The following KANK1 variants were observed in gnomAD, a reference collection of about 807,000 sequenced individuals.
KANK1 encodes KN motif and ankyrin repeat domains 1.
Under a neutral mutation model 106.2 loss-of-function variants are expected in KANK1, and 109 were observed. The ratio of observed to expected loss-of-function variants is 1.03; its 90% CI spans 0.88 to 1.20. KANK1 has a LOEUF of 1.20. Ranked by LOEUF, KANK1 falls within the 50% of genes most tolerant of loss-of-function variation. The pLI is 0.00. For synonymous variants in KANK1, 873 were observed against 652.2 expected (o/e 1.34, Z -5.16); for missense variants, 2,399 against 1,710.7 (o/e 1.40, Z -7.10).
chr9:650,680 G>T (rs1427712555), intron 1 of KANK1, among the ~76,000 whole-genome samples: 1 of 152,086 alleles, frequency 6.6e-6, no homozygotes, highest in Non-Finnish European at 1.5e-5. Flanking sequence ...TTTAGCTAGA[G>T]GTTAGGGTGA....
chr9:595,434 A>C (rs542349779), intron 1 of KANK1, among the ~76,000 whole-genome samples: 7 of 152,054 alleles, frequency 4.6e-5, no homozygotes, highest in African/African-American at 1.7e-4. Context: ...CGTTGCAATC[A>C]GAACAAGAAC....
intron 1 of KANK1, among the ~76,000 whole-genome samples, chr9:625,595 AC>A (rs1364861146): frequency 6.6e-6 from 1 of 152,042 alleles, no homozygotes; most frequent in Non-Finnish European, 1.5e-5. Flanking sequence ...GAAAAAAAAA[AC>A]AACATTGAGA....
intron 1 of KANK1, among the ~76,000 whole-genome samples, chr9:563,337 G>C (rs1316471373): frequency 1.3e-5 from 2 of 152,078 alleles, no homozygotes; most frequent in African/African-American, 4.8e-5. Context: ...ATTGTGTTTG[G>C]TCTTAAACTG....
chr9:694,106 T>C (rs1328107609), intron 2 of KANK1, among the ~76,000 whole-genome samples: 1 of 152,226 alleles, frequency 6.6e-6, no homozygotes, highest in Non-Finnish European at 1.5e-5. Flanking sequence ...GTATTTGTTT[T>C]CAGCTCTGTT....
rs139689422 is a variant in KANK1, at chr9:711,848, C to A, written c.1082C>A (p.Thr361Lys). 4 of 1,614,068 alleles carry A rather than the reference C, an allele frequency of 2.5e-6. 1 individual carries two copies. The South Asian group carries it at 4.4e-5, about 18-fold the overall frequency. The change falls in exon 3 of 12, where the codon ACG becomes AAG. Residue 361 changes from threonine to lysine, a missense_variant. Thr to Lys is a moderately conservative substitution (Grantham distance 78). Coordinates refer to ENST00000382297, the MANE Select transcript of KANK1 (RefSeq NM_015158.5). ...GAAATGGAGACCGTAGAACAGAGCACGCAGAGGATAAAGGAGTTCCGGCAA... is the reference window on the plus strand; with the variant it reads ...GAAATGGAGACCGTAGAACAGAGCAAGCAGAGGATAAAGGAGTTCCGGCAA... ...EEEMETVEQS[T>K]QRIKEFRQLT...
chr9:664,641 G>C (rs929862319), intron 1 of KANK1, among the ~76,000 whole-genome samples: 9 of 152,144 alleles, frequency 5.9e-5, no homozygotes, highest in African/African-American at 2.2e-4. Flanking sequence ...AAACATGCAA[G>C]TACAGATCTC....
chr9:555,508 T>G (rs2061528934), intron 1 of KANK1, among the ~76,000 whole-genome samples: 1 of 152,202 alleles, frequency 6.6e-6, no homozygotes, highest in Non-Finnish European at 1.5e-5. Context: ...ACCAATTAGG[T>G]AAAATACTAT....
chr9:677,028 G>A lies in KANK1; in HGVS notation c.37+19G>A, dbSNP rs748949469. ...GCCTCAGGTAACCCTGTGCTCTGGA[G>A]TTTGTGTGTTAAATGTATGTCTTTT... is the stretch of plus-strand genomic sequence containing the variant. On this transcript the variant is annotated intron_variant, in intron 2 of 11. Coordinates refer to ENST00000382297, the MANE Select transcript of KANK1 (RefSeq NM_015158.5). 6.2e-7 allele frequency: 1 copy of A among 1,610,492 alleles called. No homozygotes were observed. The highest frequency in any genetic ancestry group is 1.1e-5 in the South Asian group (1 of 90,778).
At chr9:744,347 C>CA (rs1309953864) in intron 10 of KANK1, 144 bp from the exon 11 acceptor site, 6 of 887,886 alleles carry the variant, frequency 6.8e-6, no homozygotes, top group Admixed American at 2.9e-5. Flanking sequence ...TTAGAGGTCC[C>CA]AAAAAAGTTT....
intron 1 of KANK1, among the ~76,000 whole-genome samples, chr9:523,090 CATT>C (rs1395981919): frequency 6.6e-6 from 1 of 151,650 alleles, no homozygotes; most frequent in Non-Finnish European, 1.5e-5. Flanking sequence ...ATATTCCAAT[CATT>C]ATCACATTTA....
chr9:675,945 A>G (rs1376499761), intron 1 of KANK1, among the ~76,000 whole-genome samples: 1 of 152,166 alleles, frequency 6.6e-6, no homozygotes, highest in African/African-American at 2.4e-5. Flanking sequence ...TTTAGACCAT[A>G]TAGGATAACT....
At chr9:573,736 A>G (rs1390018080) in intron 1 of KANK1, among the ~76,000 whole-genome samples, 1 of 123,124 alleles carries the variant, frequency 8.1e-6, no homozygotes, top group Non-Finnish European at 1.7e-5. Flanking sequence ...CACCTCACCC[A>G]TTGATTGATG....
chr9:562,574 C>G (rs1816781034), intron 1 of KANK1, among the ~76,000 whole-genome samples: 1 of 152,202 alleles, frequency 6.6e-6, no homozygotes, highest in African/African-American at 2.4e-5. Context: ...CTTGAGTAAG[C>G]CACTGGGCCT....
intron 1 of KANK1, among the ~76,000 whole-genome samples, chr9:596,588 A>G (rs1389941443): frequency 6.6e-6 from 1 of 151,750 alleles, no homozygotes; most frequent in Non-Finnish European, 1.5e-5. Context: ...ACAGAGAGGC[A>G]ACGGGATTCA....
rs577658227 is a variant in KANK1, at chr9:669,277, G to C, written c.-83-7613G>C. On this transcript the variant is annotated intron_variant, in intron 1 of 11. Coordinates refer to ENST00000382297, the MANE Select transcript of KANK1 (RefSeq NM_015158.5). The stretch of plus-strand genomic sequence containing the variant: ...ACAATTAGAGTATTTGAATATTCTG[G>C]GGGTTTCTATACTTGATGTTACCTG... Among the ~76,000 whole-genome samples the C allele has an allele frequency of 7.2e-5, 11 of 152,144 alleles. No individual in the cohort carries two copies. In the East Asian group the frequency reaches 7.7e-4, roughly 11 times the overall value.
chr9:596,695 T>C (rs1460785989), intron 1 of KANK1, among the ~76,000 whole-genome samples: 2 of 151,898 alleles, frequency 1.3e-5, no homozygotes, highest in East Asian at 3.8e-4. Context: ...ATTGGTGTTT[T>C]GGTCTTCCCT....
At chr9:714,434 A>C (rs1363230542) in intron 3 of KANK1, among the ~76,000 whole-genome samples, 1 of 144,186 alleles carries the variant, frequency 6.9e-6, no homozygotes, top group Non-Finnish European at 1.5e-5. Flanking sequence ...ATCTCGGCTC[A>C]CTGCAACCTC....
At chr9:475,449 C>T (rs1185554004) in intron 3 of KANK1, among the ~76,000 whole-genome samples, 1 of 151,242 alleles carries the variant, frequency 6.6e-6, no homozygotes, top group African/African-American at 2.4e-5. Flanking sequence ...CGGCCCTCTT[C>T]CAAATATACT....
At position 745,277 on chromosome 9, in the gene KANK1, T is replaced by G. The variant is rs147615192; in HGVS notation, c.*42T>G. Reference sequence around the variant, plus strand: ...CTTTATTTACATGCCACTATTAAGCTGCTAATTGTTCCTGTTGGGGTGACA... The same window carrying G: ...CTTTATTTACATGCCACTATTAAGCGGCTAATTGTTCCTGTTGGGGTGACA... On this transcript the variant is annotated 3_prime_UTR_variant, in exon 12 of 12. Coordinates refer to ENST00000382297, the MANE Select transcript of KANK1 (RefSeq NM_015158.5). 6.2e-7 allele frequency: 1 copy of G among 1,611,812 alleles called. No homozygotes were observed. Among genetic ancestry groups the G allele is most frequent in the Non-Finnish European group, 8.5e-7 (1 of 1,178,036 alleles).
Sources: gnomAD v4.1 joint callset for allele counts (sites outside exome capture counted in the v4.1 genomes callset) on GRCh38, gnomAD v4.1.1 for gene constraint, MANE v1.5 for transcripts, NCBI Gene and HGNC (gene_info 2026-07-23, HGNC 2026-07-21) for gene names.